The following MICAL2 variants were observed in gnomAD, a reference collection of about 807,000 sequenced individuals.
The protein encoded by MICAL2 is [F-actin]-monooxygenase MICAL2.
In MICAL2, 77 loss-of-function variants were observed where a neutral mutation model predicts 127.3. That is an observed-to-expected ratio of 0.60 (90% CI 0.50 to 0.73). MICAL2 has a LOEUF of 0.73. MICAL2 is among the 30% of genes least tolerant of loss of function. The pLI, the probability that MICAL2 is intolerant of heterozygous loss-of-function variation, is 0.00. For synonymous variants in MICAL2, 570 were observed against 551.1 expected (o/e 1.03, Z -0.48); for missense variants, 1,351 against 1,434.4 (o/e 0.94, Z 0.94).
rs117933691 is a variant in MICAL2 at position 12,154,636 on chromosome 11, T to C, written c.-77-7443T>C. Among the ~76,000 whole-genome samples the C allele has an allele frequency of 5.9e-5, 9 of 152,354 alleles. No individual in the cohort carries two copies. The East Asian group carries it at 1.7e-3, about 29-fold the overall frequency. ...AAATTGTATTGACTTTCTGGATCCA[T>C]ATCCTGCTCTTTTCACTCTGCATTA... On this transcript the variant is annotated intron_variant, in intron 2 of 27. Transcript: ENST00000683283.
chr11:12,350,615 A>G (rs532631924), intron 33 of MICAL2, among the ~76,000 whole-genome samples: 14 of 152,288 alleles, frequency 9.2e-5, no homozygotes, highest in African/African-American at 3.4e-4. Context: ...TGTAATAAAT[A>G]CTATCACTCT....
chr11:12,242,023 A>G (rs938681049), intron 18 of MICAL2, among the ~76,000 whole-genome samples, 191 bp from the exon 19 acceptor site: 1 of 151,954 alleles, frequency 6.6e-6, no homozygotes, highest in Admixed American at 6.5e-5. Flanking sequence ...CAGACTGTGT[A>G]TTGTGAATGA....
At chr11:12,136,334 C>A (rs923814367) in intron 1 of MICAL2, among the ~76,000 whole-genome samples, 2 of 152,286 alleles carry the variant, frequency 1.3e-5, no homozygotes, top group African/African-American at 4.8e-5. Flanking sequence ...CTCTGCTAAT[C>A]GAGACTTTGG....
chr11:12,261,042 G>T (rs960466000), intron 26 of MICAL2: 21 of 985,412 alleles, frequency 2.1e-5, no homozygotes, highest in Non-Finnish European at 2.5e-5. Context: ...CCCCCAGCCC[G>T]GGCTGCAGGC....
intron 29 of MICAL2, among the ~76,000 whole-genome samples, chr11:12,313,932 T>C (rs533032936): frequency 3.3e-5 from 5 of 151,726 alleles, no homozygotes; most frequent in Non-Finnish European, 7.4e-5. Context: ...TGATTTTTGT[T>C]GTATTTCTGG....
At chr11:12,340,725 G>A in intron 32 of MICAL2, among the ~76,000 whole-genome samples, 1 of 152,136 alleles carries the variant, frequency 6.6e-6, no homozygotes, top group East Asian at 1.9e-4. Context: ...CAGTCACATG[G>A]ATGCATTTTT....
intron 2 of MICAL2, among the ~76,000 whole-genome samples, chr11:12,158,460 C>T (rs747203367): frequency 6.6e-6 from 1 of 151,724 alleles, no homozygotes; most frequent in Non-Finnish European, 1.5e-5. Flanking sequence ...TCCATTGGTC[C>T]CACATCACAG....
upstream of MICAL2, chr11:12,274,642 G>A (rs1235980684): frequency 1.3e-5 from 2 of 152,390 alleles, no homozygotes; most frequent in Non-Finnish European, 2.9e-5. Flanking sequence ...AGTGCAAGGG[G>A]TCTGAGAAGG....
At chr11:12,236,645 TTG>T (rs1590543986) in intron 16 of MICAL2, among the ~76,000 whole-genome samples, 1 of 152,258 alleles carries the variant, frequency 6.6e-6, no homozygotes, top group East Asian at 1.9e-4. Flanking sequence ...TTGTATCCAT[TTG>T]TGTTTCCTTT....
At chr11:12,165,372 C>G (rs1387148844) in intron 3 of MICAL2, among the ~76,000 whole-genome samples, 1 of 152,180 alleles carries the variant, frequency 6.6e-6, no homozygotes, top group Non-Finnish European at 1.5e-5. Context: ...TGAACAGACA[C>G]TGTCTTGCTC....
At chr11:12,252,252 A>C (rs371077649) in intron 22 of MICAL2, among the ~76,000 whole-genome samples, 3 of 152,184 alleles carry the variant, frequency 2.0e-5, no homozygotes, top group African/African-American at 7.2e-5. Flanking sequence ...GCAGGGGCTA[A>C]ATTTCTTGGC....
chr11:12,234,226 G>A (rs1858710085), intron 15 of MICAL2, among the ~76,000 whole-genome samples: 1 of 152,028 alleles, frequency 6.6e-6, no homozygotes, highest in South Asian at 2.1e-4. Flanking sequence ...TCCCACCCTG[G>A]GCTTGTTGAG....
chr11:12,213,184 C>G (rs202139775), intron 6 of MICAL2, 71 bp from the exon 7 acceptor site: 12 of 1,508,906 alleles, frequency 8.0e-6, no homozygotes, highest in Non-Finnish European at 3.6e-6. Flanking sequence ...GAACAGCTCT[C>G]CCAATAATCA....
At chr11:12,164,097 C>A (rs949359301) in intron 3 of MICAL2, among the ~76,000 whole-genome samples, 1 of 152,114 alleles carries the variant, frequency 6.6e-6, no homozygotes, top group Non-Finnish European at 1.5e-5. Context: ...AGAAGAGACC[C>A]TTCTTCCAAA....
At chr11:12,159,049 C>T (rs2133783487) in intron 2 of MICAL2, among the ~76,000 whole-genome samples, 1 of 152,322 alleles carries the variant, frequency 6.6e-6, no homozygotes, top group East Asian at 1.9e-4. Context: ...TGCTGGGCTA[C>T]ATATCCAAGC....
chr11:12,303,300 T>A (rs950086012), intron 29 of MICAL2, among the ~76,000 whole-genome samples: 1 of 152,236 alleles, frequency 6.6e-6, no homozygotes, highest in Non-Finnish European at 1.5e-5. Flanking sequence ...ATGTAGATGT[T>A]CTCGCTTACC....
At chr11:12,206,294 C>G (rs955206253) in intron 4 of MICAL2, among the ~76,000 whole-genome samples, 2 of 152,164 alleles carry the variant, frequency 1.3e-5, no homozygotes, top group African/African-American at 4.8e-5. Flanking sequence ...TCTCTGCCCT[C>G]ATTGATGGGG....
chr11:12,207,852 G>T, intron 4 of MICAL2, 171 bp from the exon 5 acceptor site: 1 of 616,714 alleles, frequency 1.6e-6, no homozygotes, highest in Non-Finnish European at 2.9e-6. Flanking sequence ...CACTGTAAGA[G>T]TTAGATGAGA....
At chr11:12,279,327 G>T (rs1863749282) in intron 1 of MICAL2, among the ~76,000 whole-genome samples, 1 of 152,156 alleles carries the variant, frequency 6.6e-6, no homozygotes, top group East Asian at 1.9e-4. Flanking sequence ...GAGTAGATGT[G>T]GGGAGAACAT....
Sources: allele counts gnomAD v4.1 joint callset (sites outside exome capture counted in the v4.1 genomes callset), GRCh38; gene constraint gnomAD v4.1.1; transcripts MANE v1.5; gene names NCBI Gene and HGNC (gene_info 2026-07-23, HGNC 2026-07-21).